The following INSL6 variants were observed in gnomAD, a reference collection of about 807,000 sequenced individuals.
INSL6 encodes insulin-like peptide INSL6.
INSL6 carries 16 observed loss-of-function variants against 9.4 expected under a neutral mutation model. The ratio of observed to expected loss-of-function variants is 1.70; its 90% confidence interval spans 1.15 to 2.59. INSL6 has a LOEUF of 2.59. Ranked by LOEUF, INSL6 falls within the 30% of genes most tolerant of loss-of-function variation. INSL6 has a pLI of 0.00. For synonymous variants in INSL6, 154 were observed against 96.9 expected (o/e 1.59, Z -3.46); for missense variants, 391 against 257.3 (o/e 1.52, Z -3.56).
intron 2 of INSL6, among the ~76,000 whole-genome samples, chr9:5,153,121 C>A (rs886524307): frequency 2.0e-5 from 3 of 151,704 alleles, no homozygotes; most frequent in African/African-American, 7.3e-5. Flanking sequence ...GCTGTTTGGG[C>A]AGACACTGAG....
the INSL6 span, chr9:5,086,061 T>C: frequency 5.7e-6 from 4 of 706,958 alleles, no homozygotes; most frequent in Non-Finnish European, 7.9e-6. Flanking sequence ...AAGATTAAAA[T>C]AGGGTATCTG....
At chr9:5,075,487 T>C in the INSL6 span, among the ~76,000 whole-genome samples, 1 of 152,200 alleles carries the variant, frequency 6.6e-6, no homozygotes, top group South Asian at 2.1e-4. Context: ...CCCAGGGCTC[T>C]GCGAATTATG....
At chr9:5,131,388 G>C in intron 3 of INSL6, among the ~76,000 whole-genome samples, 1 of 147,344 alleles carries the variant, frequency 6.8e-6, no homozygotes, top group East Asian at 2.0e-4. Flanking sequence ...ACTTCATCTT[G>C]ATTTTTAAGA....
chr9:5,112,468 G>A, the INSL6 span: 6 of 548,124 alleles, frequency 1.1e-5, 1 homozygote, highest in Middle Eastern at 6.4e-4. Context: ...GGACCCCCGG[G>A]ACCGGACCAG....
the INSL6 span, chr9:5,072,410 C>T: frequency 2.9e-6 from 3 of 1,027,334 alleles, no homozygotes; most frequent in African/African-American, 1.6e-5. Context: ...TAAAAAAATT[C>T]TTCCTCATTG....
At chr9:5,069,827 T>C in the INSL6 span, 4 of 630,736 alleles carry the variant, frequency 6.3e-6, no homozygotes, top group Non-Finnish European at 9.7e-6. Flanking sequence ...TTATTAAGCA[T>C]TTCTTATACG....
At chr9:5,069,985 C>T in the INSL6 span, 1 of 1,608,044 alleles carries the variant, frequency 6.2e-7, no homozygotes, top group Admixed American at 1.7e-5. Flanking sequence ...ACCTCACCAA[C>T]ATTACAGAGG....
At chr9:4,993,480 A>G in the INSL6 span, among the ~76,000 whole-genome samples, 1 of 152,218 alleles carries the variant, frequency 6.6e-6, no homozygotes. Flanking sequence ...AAGAAGCCAA[A>G]TTGCTTTAAC....
the INSL6 span, among the ~76,000 whole-genome samples, chr9:5,106,161 TCAGA>T: frequency 2.0e-5 from 3 of 151,776 alleles, no homozygotes; most frequent in Non-Finnish European, 4.4e-5. Context: ...AATCTACCCA[TCAGA>T]CAAAGGGCTA....
the INSL6 span, among the ~76,000 whole-genome samples, chr9:5,047,109 C>G: frequency 6.6e-6 from 1 of 152,006 alleles, no homozygotes; most frequent in Admixed American, 6.6e-5. Context: ...AAGCAATTTT[C>G]TATTTTTTAA....
At chr9:5,077,026 A>G in the INSL6 span, among the ~76,000 whole-genome samples, 1 of 152,014 alleles carries the variant, frequency 6.6e-6, no homozygotes. Context: ...GCTAGAACTC[A>G]AATTCTCCTT....
chr9:5,113,216 T>TC, the INSL6 span, among the ~76,000 whole-genome samples: 1 of 136,568 alleles, frequency 7.3e-6, no homozygotes, highest in Non-Finnish European at 1.5e-5. Context: ...TTTTTTTTTT[T>TC]TTTCCAGTAA....
At chr9:5,039,305 A>C in the INSL6 span, among the ~76,000 whole-genome samples, 12 of 152,280 alleles carry the variant, frequency 7.9e-5, no homozygotes, top group Middle Eastern at 3.4e-3. Context: ...TTGTGCTTAC[A>C]CTGAACATGT....
chr9:5,141,834 G>A (rs950853065), intron 2 of INSL6, among the ~76,000 whole-genome samples: 4 of 152,170 alleles, frequency 2.6e-5, no homozygotes, highest in African/African-American at 9.7e-5. Context: ...TTGTCTCCCA[G>A]AGTATTTACA....
the INSL6 span, among the ~76,000 whole-genome samples, chr9:5,053,215 C>G: frequency 1.3e-5 from 2 of 152,148 alleles, no homozygotes; most frequent in Non-Finnish European, 2.9e-5. Flanking sequence ...GTTCATTTCT[C>G]TAATGACTAC....
the INSL6 span, chr9:5,069,023 G>A: frequency 1.0e-5 from 16 of 1,559,296 alleles, no homozygotes; most frequent in South Asian, 4.7e-5. Context: ...CTTATACAGC[G>A]AGAAAATGTC....
At chr9:5,054,927 A>T in the INSL6 span, 1 of 1,372,926 alleles carries the variant, frequency 7.3e-7, no homozygotes, top group South Asian at 1.4e-5. This position sits in a 1 kb window ranked among gnomAD's most constrained non-coding sequence, Gnocchi z 4.9. Context: ...TATTTTAAGT[A>T]CAATGGAAAT....
the INSL6 span, chr9:5,091,160 T>C: frequency 3.3e-6 from 1 of 301,992 alleles, no homozygotes; most frequent in East Asian, 6.5e-5. Context: ...TCTTCAAAAC[T>C]GTCTCCTATT....
At chr9:5,030,712 G>T in the INSL6 span, among the ~76,000 whole-genome samples, 23 of 151,842 alleles carry the variant, frequency 1.5e-4, no homozygotes, top group Admixed American at 1.5e-3. Context: ...ATTTATTATT[G>T]TGCCTATCAC....
Sources: allele counts gnomAD v4.1 joint callset (sites outside exome capture counted in the v4.1 genomes callset), GRCh38; gene constraint gnomAD v4.1.1; non-coding constraint Gnocchi (gnomAD v3.1); transcripts MANE v1.5; gene names NCBI Gene and HGNC (gene_info 2026-07-23, HGNC 2026-07-21).